ADAMTSL1: variants seen among roughly 807,000 people sequenced by gnomAD.
ADAMTSL1 encodes the protein ADAMTS-like protein 1.
A neutral mutation model predicts 201.8 loss-of-function variants in ADAMTSL1; 126 were observed. The observed-to-expected ratio is 0.62, with a 90% CI of 0.54 to 0.72. The LOEUF (loss-of-function observed/expected upper bound fraction) is 0.72, where lower values mean the gene tolerates loss of function less well. Among genes scored for constraint, ADAMTSL1 ranks in the 30% least tolerant of loss-of-function variants. The pLI is 0.00. For missense variants in ADAMTSL1, 2,679 were observed against 2,277.8 expected, an observed-to-expected ratio of 1.18 and a Z score of -3.59; for synonymous variants, 1,121 against 903.4, an observed-to-expected ratio of 1.24 and a Z score of -4.32.
At chr9:18,844,634 C>T (rs1825967472) in intron 23 of ADAMTSL1, among the ~76,000 whole-genome samples, 1 of 152,032 alleles carries the variant, frequency 6.6e-6, no homozygotes, top group Admixed American at 6.5e-5. Context: ...GTGCCCTGTC[C>T]CCAGAGGTGG....
At position 18,856,460 on chromosome 9, in the gene ADAMTSL1, A is replaced by ATTTTTTTT. The variant is rs398010404; in HGVS notation, c.4249+26497_4249+26504dup. 5.0e-4 allele frequency among the ~76,000 whole-genome samples: 56 copies of ATTTTTTTT among 111,984 alleles called. 3 individuals carry two copies. The highest frequency in any genetic ancestry group is 7.9e-4 in the African/African-American group (23 of 29,112). 73.5% of individuals were successfully genotyped at this position (111,984 alleles called of 152,430 possible). On this transcript the variant is annotated intron_variant, in intron 23 of 28. Transcript: ENST00000380548. ...TGGTTGTTGCCAAATGATAAGAAGG[A>ATTTTTTTT]TTTTTTTTTTTTTTTTTTTTTGAGA...
intron 1 of ADAMTSL1, among the ~76,000 whole-genome samples, chr9:17,966,397 C>A (rs899468580): frequency 5.3e-5 from 8 of 152,096 alleles, no homozygotes; most frequent in African/African-American, 1.9e-4. Context: ...ACCACCCAAG[C>A]GAAGAAACAG....
intron 1 of ADAMTSL1, among the ~76,000 whole-genome samples, chr9:18,016,372 T>G (rs947477826): frequency 1.3e-5 from 2 of 152,008 alleles, no homozygotes; most frequent in Non-Finnish European, 2.9e-5. Context: ...ACATAGATAA[T>G]TCTTGTCATA....
chr9:18,831,902 C>T (rs1378801066), intron 23 of ADAMTSL1, among the ~76,000 whole-genome samples: 1 of 152,110 alleles, frequency 6.6e-6, no homozygotes, highest in Admixed American at 6.5e-5. Flanking sequence ...CAGGCAGAGC[C>T]TCATTATGAT....
intron 1 of ADAMTSL1, among the ~76,000 whole-genome samples, chr9:18,149,190 G>A (rs909761926): frequency 2.6e-5 from 4 of 152,014 alleles, no homozygotes; most frequent in Non-Finnish European, 2.9e-5. Flanking sequence ...GCTCGTCATC[G>A]GGCAAGGAGT....
chr9:18,201,340 G>T (rs552868746), intron 2 of ADAMTSL1, among the ~76,000 whole-genome samples: 2 of 152,126 alleles, frequency 1.3e-5, no homozygotes, highest in East Asian at 3.9e-4. Flanking sequence ...GGATGATGTC[G>T]AGTTATCTTT....
chr9:18,530,510 C>T (rs1188196838), intron 2 of ADAMTSL1, among the ~76,000 whole-genome samples: 1 of 152,126 alleles, frequency 6.6e-6, no homozygotes, highest in Middle Eastern at 3.2e-3. Context: ...ATTTCACTCA[C>T]CTACTGCAAT....
chr9:18,636,328 C>T (rs998023641), intron 6 of ADAMTSL1, among the ~76,000 whole-genome samples: 1 of 152,110 alleles, frequency 6.6e-6, no homozygotes, highest in Non-Finnish European at 1.5e-5. Flanking sequence ...CCTTTCCAAT[C>T]TCAATCTTTT....
chr9:18,878,028 G>A (rs1013883707), intron 23 of ADAMTSL1, among the ~76,000 whole-genome samples: 4 of 152,146 alleles, frequency 2.6e-5, no homozygotes, highest in African/African-American at 9.7e-5. Context: ...CCTCTGCTAT[G>A]TCATACAAGT....
intron 1 of ADAMTSL1, among the ~76,000 whole-genome samples, chr9:18,163,444 T>C (rs1378180451): frequency 1.3e-5 from 2 of 152,094 alleles, no homozygotes; most frequent in Admixed American, 6.6e-5. Context: ...ATGTGGTAAA[T>C]ATTTAACTGG....
chr9:18,202,604 C>T (rs909964754), intron 2 of ADAMTSL1, among the ~76,000 whole-genome samples: 18 of 152,212 alleles, frequency 1.2e-4, no homozygotes, highest in South Asian at 4.1e-4. Flanking sequence ...CCAAGAGCCA[C>T]GTGAAGGCTT....
intron 2 of ADAMTSL1, among the ~76,000 whole-genome samples, chr9:18,395,607 T>C (rs1421172760): frequency 1.3e-5 from 2 of 152,200 alleles, no homozygotes; most frequent in Non-Finnish European, 2.9e-5. Flanking sequence ...CAGTATAGAA[T>C]CTGTTCTGGA....
At chr9:18,312,767 C>A (rs1170242518) in intron 2 of ADAMTSL1, among the ~76,000 whole-genome samples, 1 of 152,158 alleles carries the variant, frequency 6.6e-6, no homozygotes, top group Non-Finnish European at 1.5e-5. Flanking sequence ...TGAAAGTGCC[C>A]AACAAAAACT....
At chr9:17,993,862 T>C (rs1179809313) in intron 1 of ADAMTSL1, among the ~76,000 whole-genome samples, 2 of 152,190 alleles carry the variant, frequency 1.3e-5, no homozygotes, top group African/African-American at 4.8e-5. Context: ...GATTTGTCTC[T>C]GTTGAAGAAT....
intron 2 of ADAMTSL1, among the ~76,000 whole-genome samples, chr9:18,507,752 A>T (rs547264144): frequency 1.4e-4 from 22 of 152,324 alleles, no homozygotes; most frequent in Middle Eastern, 3.4e-3. Flanking sequence ...CTGAGCTGTG[A>T]CAGAAAATAT....
chr9:18,222,518 T>C (rs1830296827), intron 2 of ADAMTSL1, among the ~76,000 whole-genome samples: 1 of 151,906 alleles, frequency 6.6e-6, no homozygotes, highest in African/African-American at 2.4e-5. Flanking sequence ...TTCAATCATC[T>C]TTTCCCAGTT....
chr9:18,439,497 G>A (rs1022076464), intron 2 of ADAMTSL1, among the ~76,000 whole-genome samples: 1 of 152,068 alleles, frequency 6.6e-6, no homozygotes, highest in South Asian at 2.1e-4. Context: ...CTCCCGAGTA[G>A]CTGGGATTAC....
chr9:18,244,262 CT>C (rs1438364726), intron 2 of ADAMTSL1, among the ~76,000 whole-genome samples: 5 of 152,048 alleles, frequency 3.3e-5, no homozygotes, highest in Middle Eastern at 3.2e-3. Context: ...GGCACAGACT[CT>C]CTCAAGAGTT....
At chr9:17,966,214 G>T (rs574647442) in intron 1 of ADAMTSL1, among the ~76,000 whole-genome samples, 1 of 152,122 alleles carries the variant, frequency 6.6e-6, no homozygotes. Context: ...AAGGAAACAA[G>T]CCCATAGGAA....
Sources: allele counts gnomAD v4.1 joint callset (sites outside exome capture counted in the v4.1 genomes callset), GRCh38; gene constraint gnomAD v4.1.1; transcripts MANE v1.5; gene names NCBI Gene and HGNC (gene_info 2026-07-23, HGNC 2026-07-21).